DDX60: variants seen among roughly 807,000 people sequenced by gnomAD.
DDX60 encodes probable ATP-dependent RNA helicase DDX60.
Under a neutral mutation model 212.8 loss-of-function variants are expected in DDX60, and 165 were observed. The observed-to-expected ratio is 0.78, with a 90% CI of 0.68 to 0.88. The LOEUF (loss-of-function observed/expected upper bound fraction) is 0.88, where lower values mean the gene tolerates loss of function less well. Among genes scored for constraint, DDX60 ranks in the 40% least tolerant of loss-of-function variants. The pLI, the probability that DDX60 is intolerant of heterozygous loss-of-function variation, is 0.00. For missense variants in DDX60, 1,905 were observed against 2,003.9 expected, an observed-to-expected ratio of 0.95 and a Z score of 0.94; for synonymous variants, 703 against 685.3, an observed-to-expected ratio of 1.03 and a Z score of -0.40.
chr4:168,276,331 A>C, intron 14 of DDX60, 150 bp from the exon 15 acceptor site: 1 of 573,046 alleles, frequency 1.7e-6, no homozygotes. Flanking sequence ...AGTAAAATTG[A>C]AGTTCCACTA....
chr4:168,248,920 C>T (rs751939534), intron 28 of DDX60, among the ~76,000 whole-genome samples: 11 of 152,052 alleles, frequency 7.2e-5, no homozygotes, highest in Admixed American at 1.3e-4. Flanking sequence ...CCACTACATT[C>T]GGCTAATTTT....
At chr4:168,305,336 T>G (rs377258120) in intron 5 of DDX60, among the ~76,000 whole-genome samples, 2 of 152,162 alleles carry the variant, frequency 1.3e-5, no homozygotes, top group African/African-American at 4.8e-5. Flanking sequence ...ATGGCAACCA[T>G]GTGGATATTT....
At chr4:168,255,253 A>T (rs529345356) in intron 26 of DDX60, among the ~76,000 whole-genome samples, 1 of 152,328 alleles carries the variant, frequency 6.6e-6, no homozygotes, top group Non-Finnish European at 1.5e-5. Flanking sequence ...CCAGGCATCA[A>T]ATCAGCATTT....
chr4:168,237,714 A>G lies in DDX60; in HGVS notation c.4246T>C (p.Ser1416Pro). The G allele has an allele frequency of 1.9e-6, 3 of 1,611,792 alleles. No individual in the cohort carries two copies. Among genetic ancestry groups the G allele is most frequent in the South Asian group, 1.1e-5 (1 of 90,928 alleles). The part of the protein sequence containing the change: ...MDMLKLYFLF[S>P]LQFLVKEGYL... ...ACCTCTTTCACCAGGAACTGCAAAG[A>G]AAACAGGAAGTAAAGTTTTAACATG... The change falls in exon 31 of 38, where the codon TCT becomes CCT. Residue 1416 changes from serine to proline, a missense_variant. Physicochemically the swap from Ser to Pro is moderately conservative, Grantham distance 74 (BLOSUM62 -1). Coordinates refer to ENST00000393743, the MANE Select transcript of DDX60 (RefSeq NM_017631.6).
intron 6 of DDX60, among the ~76,000 whole-genome samples, chr4:168,298,205 AC>A (rs910717213): frequency 6.6e-6 from 1 of 152,070 alleles, no homozygotes; most frequent in African/African-American, 2.4e-5. Context: ...TCGTAAAGAA[AC>A]TTAACAAACA....
At chr4:168,316,561 T>C (rs1238993847) in intron 1 of DDX60, among the ~76,000 whole-genome samples, 2 of 152,164 alleles carry the variant, frequency 1.3e-5, no homozygotes, top group Non-Finnish European at 2.9e-5. Context: ...CAAGAAATTA[T>C]CCTGCTTTTC....
chr4:168,241,074 T>C (rs1319245368), intron 30 of DDX60, among the ~76,000 whole-genome samples: 1 of 152,208 alleles, frequency 6.6e-6, no homozygotes, highest in Non-Finnish European at 1.5e-5. Context: ...AAAAGAGGAA[T>C]TCCCCTGCAC....
chr4:168,227,142 T>C (rs528807886), intron 33 of DDX60, among the ~76,000 whole-genome samples: 1 of 152,152 alleles, frequency 6.6e-6, no homozygotes, highest in African/African-American at 2.4e-5. Context: ...ATAGTGATGT[T>C]ATCCTTACAA....
chr4:168,272,012 GA>G (rs750494303), intron 19 of DDX60, 30 bp downstream of exon 19: 22 of 1,479,412 alleles, frequency 1.5e-5, no homozygotes, highest in Non-Finnish European at 2.0e-5. Flanking sequence ...GTGCACTAGG[GA>G]ATTAAGCAAA....
chr4:168,281,321 T>C (rs1735583920), intron 13 of DDX60, among the ~76,000 whole-genome samples: 1 of 152,182 alleles, frequency 6.6e-6, no homozygotes. Context: ...CCATGAAGCT[T>C]TCCCTGACTC....
At chr4:168,258,968 A>G (rs1358963668) in intron 25 of DDX60, among the ~76,000 whole-genome samples, 2 of 152,192 alleles carry the variant, frequency 1.3e-5, no homozygotes, top group African/African-American at 4.8e-5. Flanking sequence ...TCCTAGTCAC[A>G]TCTTCACCCA....
intron 7 of DDX60, among the ~76,000 whole-genome samples, chr4:168,292,883 C>A (rs1736171063): frequency 6.6e-6 from 1 of 152,096 alleles, no homozygotes; most frequent in African/African-American, 2.4e-5. Context: ...ATTTAAAATA[C>A]TATGTCTAGT....
chr4:168,236,447 C>G, intron 32 of DDX60, 74 bp from the exon 33 acceptor site: 2 of 1,290,146 alleles, frequency 1.6e-6, no homozygotes, highest in Non-Finnish European at 2.1e-6. Flanking sequence ...AATGGAATGT[C>G]ATATTACATT....
At chr4:168,314,964 A>T (rs1216408983) in intron 1 of DDX60, among the ~76,000 whole-genome samples, 1 of 152,212 alleles carries the variant, frequency 6.6e-6, no homozygotes, top group Non-Finnish European at 1.5e-5. Context: ...AAGAATAAAG[A>T]GAAAGACAGA....
At chr4:168,324,579 G>C in the DDX60 span, among the ~76,000 whole-genome samples, 1 of 152,144 alleles carries the variant, frequency 6.6e-6, no homozygotes, top group African/African-American at 2.4e-5. Flanking sequence ...GGAATATGTT[G>C]CCTCCAGAAC....
At position 168,280,412 on chromosome 4, in the gene DDX60, C is replaced by G; in HGVS notation, c.1901G>C (p.Cys634Ser). The G allele has an allele frequency of 1.2e-6, 2 of 1,614,206 alleles. No individual in the cohort carries two copies. The highest frequency in any genetic ancestry group is 1.7e-6 in the Non-Finnish European group (2 of 1,180,032). The change falls in exon 14 of 38, where the codon TGT (cysteine) becomes TCT (serine). Residue 634 changes from cysteine (C) to serine (S), a missense_variant. Physicochemically the swap from Cys to Ser is moderately radical, Grantham distance 112. Coordinates refer to ENST00000393743, the MANE Select transcript of DDX60 (RefSeq NM_017631.6). Reference protein sequence around the residue: ...EDFLKSCKSSCVKLQVEMVGL... With the variant: ...EDFLKSCKSSSVKLQVEMVGL... ...CACCATTTCAACCTGAAGTTTCACA[C>G]AGCTACTTTTACAGGATTTCAAAAA...
intron 30 of DDX60, among the ~76,000 whole-genome samples, chr4:168,241,023 C>T (rs1244353267): frequency 1.3e-5 from 2 of 152,154 alleles, no homozygotes; most frequent in Non-Finnish European, 2.9e-5. Context: ...CCATGCAGTT[C>T]TCCTAATAGT....
intron 25 of DDX60, among the ~76,000 whole-genome samples, chr4:168,257,670 T>C (rs1734468061): frequency 6.6e-6 from 1 of 152,220 alleles, no homozygotes; most frequent in Admixed American, 6.5e-5. Flanking sequence ...TTAGAAATAA[T>C]GTTGCCTCTT....
At chr4:168,297,297 C>CGAAAGAAAGAAAGAAAGAAAGAAAGAAA (rs70961508) in intron 6 of DDX60, among the ~76,000 whole-genome samples, 18 of 67,474 alleles carry the variant, frequency 2.7e-4, no homozygotes, top group South Asian at 4.9e-4. Context: ...GAGAGAGAGA[C>CGAAAGAAAGAAAGAAAGAAAGAAAGAAA]GAAAGAAAGA....
Sources: allele counts gnomAD v4.1 joint callset (sites outside exome capture counted in the v4.1 genomes callset), GRCh38; gene constraint gnomAD v4.1.1; transcripts MANE v1.5; gene names NCBI Gene and HGNC (gene_info 2026-07-23, HGNC 2026-07-21).